AP4E1: variants seen among roughly 807,000 people sequenced by gnomAD.
The protein encoded by AP4E1 is AP-4 complex subunit epsilon-1.
A neutral mutation model predicts 128.2 loss-of-function variants in AP4E1; 56 were observed. The observed-to-expected ratio is 0.44, with a 90% CI of 0.35 to 0.55. The LOEUF (loss-of-function observed/expected upper bound fraction) is 0.55. Among genes scored for constraint, AP4E1 ranks in the 20% least tolerant of loss-of-function variants. The pLI is 0.00. For missense variants in AP4E1, 1,324 were observed against 1,307.7 expected (o/e 1.01, Z -0.19); for synonymous variants, 484 against 473.1 (o/e 1.02, Z -0.30).
intron 2 of AP4E1, among the ~76,000 whole-genome samples, chr15:50,913,490 A>G (rs2063589722): frequency 6.6e-6 from 1 of 152,260 alleles, no homozygotes; most frequent in Non-Finnish European, 1.5e-5. Context: ...CACTATGGCC[A>G]TCCAACTCTG....
chr15:50,966,756 C>T (rs927350488), intron 14 of AP4E1, among the ~76,000 whole-genome samples: 4 of 152,178 alleles, frequency 2.6e-5, no homozygotes, highest in Middle Eastern at 3.4e-3. Flanking sequence ...AGGCTGGTCT[C>T]GAACTCCTGA....
chr15:50,929,389 A>G (rs2063805071), intron 6 of AP4E1, among the ~76,000 whole-genome samples: 1 of 151,532 alleles, frequency 6.6e-6, no homozygotes, highest in African/African-American at 2.4e-5. Flanking sequence ...TTTTGATGTT[A>G]CTAAACAGGT....
In AP4E1 at chr15:50,948,073, C is replaced by T. The variant is rs2064087301; in HGVS notation, c.1230C>T (p.Val410=). 1 of 1,612,264 alleles carries T rather than the reference C, an allele frequency of 6.2e-7. No individual in the cohort carries two copies. Among genetic ancestry groups the T allele is most frequent in the Non-Finnish European group, 8.5e-7 (1 of 1,178,650 alleles). The change falls in exon 11 of 21, where the codon GTC becomes GTT. Residue 410 remains valine, a synonymous_variant. Transcript: ENST00000261842. ...ATGCACAGAATATAACAGTTATTGT[C>T]CAGAAAATGCTTGAATATTTACATC... ...ITNAQNITVI[V]QKMLEYLHQS...
upstream of AP4E1, chr15:50,908,502 TG>T (rs529179693): frequency 5.2e-3 from 1,957 of 374,096 alleles, 6 homozygotes; most frequent in Non-Finnish European, 7.3e-3. Context: ...CTCACGGTTC[TG>T]GGGGATTCCG....
intron 2 of AP4E1, 46 bp downstream of exon 2, chr15:50,912,195 G>C (rs774258032): frequency 1.7e-5 from 26 of 1,497,700 alleles, no homozygotes; most frequent in Non-Finnish European, 2.2e-5. Flanking sequence ...TTGAAATCTA[G>C]TCACTGTGGA....
intron 16 of AP4E1, among the ~76,000 whole-genome samples, chr15:50,986,484 C>G (rs1306707536): frequency 2.0e-5 from 3 of 152,274 alleles, no homozygotes; most frequent in African/African-American, 7.2e-5. Context: ...TACGTCCCAT[C>G]AATACCTAAT....
upstream of AP4E1, chr15:50,908,671 C>G: frequency 7.7e-7 from 1 of 1,293,750 alleles, no homozygotes; most frequent in Non-Finnish European, 1.0e-6. Context: ...ATTTCTTATT[C>G]AAAAAACAGG....
At position 50,958,433 on chromosome 15, in the gene AP4E1, G is replaced by A. The variant is rs564042594; in HGVS notation, c.1549-59G>A. ...CAGTAGGTACTTTGTTTAGATTTTA[G>A]TATAGTCTACTGTATAACTTGATAT... is the stretch of plus-strand genomic sequence containing the variant. On this transcript the variant is annotated intron_variant, in intron 13 of 20. Coordinates refer to ENST00000261842, the MANE Select transcript of AP4E1 (RefSeq NM_007347.5). 29 of 1,420,952 alleles carry A rather than the reference G, an allele frequency of 2.0e-5. No homozygotes were observed. The South Asian group carries it at 2.5e-4, about 12-fold the overall frequency. 88.0% of individuals were successfully genotyped at this position (1,420,952 alleles called of 1,614,324 possible).
chr15:50,999,379 G>A lies in AP4E1; in HGVS notation c.3095+117G>A, dbSNP rs12904382. ...AGGGAGTATAACAGTTAAAAACTAC[G>A]CACAGTTCCTACGTTAGAGGAATTT... On this transcript the variant is annotated intron_variant, in intron 19 of 20. Transcript: ENST00000261842. The A allele has an allele frequency of 0.58, 453,141 of 780,660 alleles. 134,447 individuals are homozygous for A. Among genetic ancestry groups the A allele is most frequent in the Non-Finnish European group, 0.61 (298,796 of 487,088 alleles). The allele number at this position is 780,660 out of a possible 1,614,324, so 48.4% of individuals were successfully genotyped here.
At chr15:50,997,057 G>C (rs2064885622) in intron 17 of AP4E1, among the ~76,000 whole-genome samples, 1 of 152,084 alleles carries the variant, frequency 6.6e-6, no homozygotes. Context: ...CAAGTTTTTT[G>C]TTCATGACTG....
intron 15 of AP4E1, among the ~76,000 whole-genome samples, chr15:50,982,992 C>A (rs2064663586): frequency 6.6e-6 from 1 of 152,090 alleles, no homozygotes; most frequent in East Asian, 1.9e-4. Flanking sequence ...TTAAAAAGGT[C>A]CTTTTCTATA....
intron 13 of AP4E1, among the ~76,000 whole-genome samples, chr15:50,957,505 T>G (rs1156958916): frequency 6.6e-6 from 1 of 151,986 alleles, no homozygotes; most frequent in Non-Finnish European, 1.5e-5. Context: ...GGGATATAAG[T>G]TCTCACTTTG....
intron 16 of AP4E1, among the ~76,000 whole-genome samples, chr15:50,987,113 T>G (rs564551622): frequency 5.9e-5 from 9 of 152,358 alleles, no homozygotes; most frequent in African/African-American, 2.2e-4. Context: ...TTTATAGTAT[T>G]CTCTGATGAT....
intron 13 of AP4E1, among the ~76,000 whole-genome samples, chr15:50,958,272 T>G (rs1030827207): frequency 1.3e-5 from 2 of 152,228 alleles, no homozygotes; most frequent in African/African-American, 4.8e-5. Context: ...TATGCTGCTT[T>G]ATATATTGTT....
intron 15 of AP4E1, among the ~76,000 whole-genome samples, chr15:50,980,517 T>G (rs2064629434): frequency 6.6e-6 from 1 of 151,786 alleles, no homozygotes; most frequent in African/African-American, 2.4e-5. Flanking sequence ...AATGAGAAAA[T>G]GTATTTGGGA....
At position 51,001,531 on chromosome 15, in the gene AP4E1, C is replaced by T. The variant is rs574894008; in HGVS notation, c.3253+348C>T. On this transcript the variant is annotated intron_variant, in intron 20 of 20. Coordinates refer to ENST00000261842, the MANE Select transcript of AP4E1 (RefSeq NM_007347.5). ...ACTCCGCCTTTCCCCTTCCTCTCCA[C>T]CTCTTGGCAACTACCATTTTACCTC... Among the ~76,000 whole-genome samples the T allele has an allele frequency of 1.4e-4, 22 of 152,328 alleles. No individual in the cohort carries two copies. In the South Asian group the frequency reaches 2.9e-3, roughly 20 times the overall value.
chr15:50,912,198 A>G, intron 2 of AP4E1, 49 bp downstream of exon 2: 1 of 1,167,414 alleles, frequency 8.6e-7, no homozygotes, highest in Non-Finnish European at 1.2e-6. Context: ...AAATCTAGTC[A>G]CTGTGGACTC....
At chr15:50,907,760 T>C (rs2063505102), upstream of AP4E1, among the ~76,000 whole-genome samples, 1 of 152,204 alleles carries the variant, frequency 6.6e-6, no homozygotes, top group Non-Finnish European at 1.5e-5. Context: ...AGAAACGTTA[T>C]CAATGTTGTT....
At chr15:50,991,409 A>C (rs1045689856) in intron 16 of AP4E1, among the ~76,000 whole-genome samples, 2 of 152,196 alleles carry the variant, frequency 1.3e-5, no homozygotes, top group Admixed American at 6.5e-5. Flanking sequence ...GTGGGTATTC[A>C]TGAATTCCCT....
Sources: allele counts gnomAD v4.1 joint callset (sites outside exome capture counted in the v4.1 genomes callset), GRCh38; gene constraint gnomAD v4.1.1; transcripts MANE v1.5; gene names NCBI Gene and HGNC (gene_info 2026-07-23, HGNC 2026-07-21).